The following TTC39B variants were observed in gnomAD, a reference collection of about 807,000 sequenced individuals.
The protein encoded by TTC39B is tetratricopeptide repeat protein 39B.
In TTC39B, 92 loss-of-function variants were observed where a neutral mutation model predicts 96.6. That is an observed-to-expected ratio of 0.95 (90% CI 0.80 to 1.13). TTC39B has a LOEUF of 1.13. TTC39B is among the 50% of genes most tolerant of loss of function. The pLI is 0.00. For synonymous variants in TTC39B, 367 were observed against 299.4 expected (o/e 1.23, Z -2.33); for missense variants, 955 against 809.3 (o/e 1.18, Z -2.18).
intron 18 of TTC39B, among the ~76,000 whole-genome samples, chr9:15,177,369 A>G (rs1817997564): frequency 6.6e-6 from 1 of 152,182 alleles, no homozygotes; most frequent in African/African-American, 2.4e-5. Context: ...AAACTAAAGA[A>G]ATATGTAAAA....
exon 19 of TTC39B, chr9:15,175,058 C>G: frequency 6.2e-7 from 1 of 1,613,698 alleles, no homozygotes; most frequent in Non-Finnish European, 8.5e-7. Context: ...GTCAATTTCC[C>G]CCTGGCTTTT....
chr9:15,253,640 C>G (rs1822645870), intron 2 of TTC39B, among the ~76,000 whole-genome samples: 1 of 152,218 alleles, frequency 6.6e-6, no homozygotes, highest in East Asian at 1.9e-4. Context: ...TTTTAATTGT[C>G]TGCTTATGTC....
intron 5 of TTC39B, 79 bp downstream of exon 5, chr9:15,211,187 T>A: frequency 7.3e-7 from 1 of 1,373,556 alleles, no homozygotes; most frequent in Non-Finnish European, 9.5e-7. Context: ...GAGCTTTTGG[T>A]CAGGCAAATG....
chr9:15,196,213 T>C (rs1819159313), intron 8 of TTC39B, among the ~76,000 whole-genome samples: 1 of 152,236 alleles, frequency 6.6e-6, no homozygotes, highest in African/African-American at 2.4e-5. Flanking sequence ...ATTGTTTTCA[T>C]GCCTACTAAC....
chr9:15,221,360 C>A (rs1039969686), intron 3 of TTC39B, among the ~76,000 whole-genome samples: 38 of 152,148 alleles, frequency 2.5e-4, no homozygotes, highest in Non-Finnish European at 4.4e-5. Flanking sequence ...ATTCTGTGGG[C>A]TATATAACTC....
intron 11 of TTC39B, 81 bp downstream of exon 11, chr9:15,190,473 G>A (rs1419194816): frequency 3.2e-6 from 4 of 1,243,674 alleles, no homozygotes; most frequent in African/African-American, 2.9e-5. Flanking sequence ...AGCCTCCCAA[G>A]TAGTTGGGAT....
rs116004677 is a variant in TTC39B, at chr9:15,233,299, C to T, written c.276-7287G>A. The stretch of plus-strand genomic sequence containing the variant: ...GGTGCCATGACACCGGAACACACGG[C>T]GACAAGGAGAAGGGAGAAGAAAACC... On this transcript the variant is annotated intron_variant, in intron 2 of 19. Coordinates refer to ENST00000512701, the Ensembl canonical transcript of TTC39B. Among the ~76,000 whole-genome samples the T allele has an allele frequency of 9.8e-3, 1,489 of 152,208 alleles. 25 individuals are homozygous for T. The highest frequency in any genetic ancestry group is 0.034 in the African/African-American group (1,412 of 41,548).
chr9:15,245,432 G>A (rs2131485780), intron 2 of TTC39B, among the ~76,000 whole-genome samples: 1 of 152,196 alleles, frequency 6.6e-6, no homozygotes, highest in South Asian at 2.1e-4. Context: ...TTAATGTGCT[G>A]TATTTATTCA....
rs146485739 is a variant in TTC39B, at chr9:15,287,488, C to T, written c.241-19540G>A. Among the ~76,000 whole-genome samples, 193 of 152,282 alleles carry T rather than the reference C, an allele frequency of 1.3e-3. 1 individual carries two copies. Among genetic ancestry groups the T allele is most frequent in the Non-Finnish European group, 1.6e-3 (108 of 68,022 alleles). ...AACAAAGAGATAAGAGTTCATTAGGCATGTCACATGTCCCTCTGTCTTAAA... is the reference window on the plus strand; with the variant it reads ...AACAAAGAGATAAGAGTTCATTAGGTATGTCACATGTCCCTCTGTCTTAAA... On this transcript the variant is annotated intron_variant, in intron 1 of 19. Coordinates refer to ENST00000512701, the Ensembl canonical transcript of TTC39B.
intron 17 of TTC39B, among the ~76,000 whole-genome samples, chr9:15,180,842 A>G (rs1273271843): frequency 6.6e-6 from 1 of 152,240 alleles, no homozygotes; most frequent in Non-Finnish European, 1.5e-5. Flanking sequence ...TTCACATGAA[A>G]TATCTGGCAA....
At chr9:15,266,697 G>A (rs1823143696) in intron 2 of TTC39B, among the ~76,000 whole-genome samples, 1 of 152,104 alleles carries the variant, frequency 6.6e-6, no homozygotes, top group African/African-American at 2.4e-5. Flanking sequence ...CAATGTGATG[G>A]AATTTAAATA....
At chr9:15,180,657 A>G (rs955806375) in intron 17 of TTC39B, among the ~76,000 whole-genome samples, 1 of 151,972 alleles carries the variant, frequency 6.6e-6, no homozygotes, top group Non-Finnish European at 1.5e-5. Context: ...ACTTCTCCCC[A>G]TTTTCCAACT....
intron 2 of TTC39B, among the ~76,000 whole-genome samples, chr9:15,257,556 C>A (rs999105400): frequency 2.7e-4 from 41 of 152,178 alleles, no homozygotes; most frequent in African/African-American, 9.1e-4. Flanking sequence ...TCAAATGATC[C>A]TCTCATCTCA....
intron 2 of TTC39B, among the ~76,000 whole-genome samples, chr9:15,258,078 A>G (rs58798848): frequency 0.043 from 6,540 of 152,170 alleles, 479 homozygotes; most frequent in African/African-American, 0.15. Flanking sequence ...ATAAAATAAG[A>G]TAACTTGGGC....
intron 1 of TTC39B, among the ~76,000 whole-genome samples, chr9:15,288,825 C>T (rs1052974950): frequency 6.6e-6 from 1 of 152,246 alleles, no homozygotes; most frequent in Admixed American, 6.5e-5. Flanking sequence ...GCCCCAGCTT[C>T]TGCACCTGCC....
In TTC39B at chr9:15,177,831, T is replaced by C. The variant is rs1293971875; in HGVS notation, c.1724-17A>G. The C allele has an allele frequency of 4.4e-6, 5 of 1,140,692 alleles. No homozygotes were observed. The highest frequency in any genetic ancestry group is 1.6e-5 in the African/African-American group (1 of 63,420). The allele number at this position is 1,140,692 out of a possible 1,614,324, so 70.7% of individuals were successfully genotyped here. The stretch of plus-strand genomic sequence containing the variant: ...TGTTAAAATCTTAAAACAAAAAACA[T>C]ACAAAGAAAACACACAAAGAAAAAT... On this transcript the variant is annotated splice_polypyrimidine_tract_variant and intron_variant, in intron 17 of 19. Coordinates refer to ENST00000512701, the Ensembl canonical transcript of TTC39B.
intron 1 of TTC39B, among the ~76,000 whole-genome samples, chr9:15,303,392 T>G (rs901561763): frequency 2.0e-5 from 3 of 151,794 alleles, no homozygotes; most frequent in Non-Finnish European, 2.9e-5. Context: ...TTTTTTTTTT[T>G]TTGAAACGGG....
intron 2 of TTC39B, among the ~76,000 whole-genome samples, chr9:15,254,791 C>T (rs1484721526): frequency 6.6e-6 from 1 of 150,784 alleles, no homozygotes; most frequent in Non-Finnish European, 1.5e-5. Context: ...GCAAAGAATC[C>T]CTTAAGCCAA....
rs115111258 is a variant in TTC39B at position 15,257,589 on chromosome 9, C to T, written c.275+10325G>A. On this transcript the variant is annotated intron_variant, in intron 2 of 19. Transcript: ENST00000512701. Reference sequence around the variant, plus strand: ...TCAGCCTCCCAAGTAGCTGGAACTACAGATGTGTCACCACACCTGGCTAAT... The same window carrying T: ...TCAGCCTCCCAAGTAGCTGGAACTATAGATGTGTCACCACACCTGGCTAAT... Among the ~76,000 whole-genome samples the T allele has an allele frequency of 5.5e-3, 834 of 152,124 alleles. 3 individuals carry two copies. Among genetic ancestry groups the T allele is most frequent in the African/African-American group, 0.019 (794 of 41,532 alleles).
Sources: allele counts gnomAD v4.1 joint callset (sites outside exome capture counted in the v4.1 genomes callset), GRCh38; gene constraint gnomAD v4.1.1; transcripts MANE v1.5; gene names NCBI Gene and HGNC (gene_info 2026-07-23, HGNC 2026-07-21).